The following THADA variants were observed in gnomAD, a reference collection of about 807,000 sequenced individuals.
THADA encodes the protein tRNA (32-2'-O)-methyltransferase regulator THADA.
In THADA, 213 loss-of-function variants were observed where a neutral mutation model predicts 219.8. The ratio of observed to expected loss-of-function variants is 0.97; its 90% confidence interval spans 0.87 to 1.09. The LOEUF (loss-of-function observed/expected upper bound fraction) is 1.09. Among genes scored for constraint, THADA ranks in the 50% least tolerant of loss-of-function variants. THADA has a pLI of 0.00. For missense variants in THADA, 2,956 were observed against 2,311.3 expected (o/e 1.28, Z -5.72); for synonymous variants, 1,018 against 828.9 (o/e 1.23, Z -3.92).
chr2:43,345,082 T>C (rs1379011166), intron 29 of THADA, among the ~76,000 whole-genome samples: 1 of 152,264 alleles, frequency 6.6e-6, no homozygotes. Flanking sequence ...AAAGTAAGCA[T>C]AGATAAACAC....
At chr2:43,575,120 C>T (rs1422100207) in intron 10 of THADA, 93 bp from the exon 11 acceptor site, 3 of 1,003,912 alleles carry the variant, frequency 3.0e-6, no homozygotes, top group Non-Finnish European at 4.2e-6. Context: ...ATATTAAATA[C>T]ACAGAATGAC....
intron 30 of THADA, among the ~76,000 whole-genome samples, chr2:43,340,256 A>G (rs900561649): frequency 2.6e-5 from 4 of 152,234 alleles, no homozygotes. Flanking sequence ...AGCCTGTAAG[A>G]GCAGAAGCCC....
intron 29 of THADA, among the ~76,000 whole-genome samples, chr2:43,377,641 G>A (rs1225115041): frequency 6.6e-6 from 1 of 152,154 alleles, no homozygotes. Flanking sequence ...GCGGCCAGAG[G>A]TGAAAAATTT....
chr2:43,500,212 A>C (rs1688771902), intron 24 of THADA, among the ~76,000 whole-genome samples: 1 of 152,202 alleles, frequency 6.6e-6, no homozygotes, highest in Non-Finnish European at 1.5e-5. Flanking sequence ...AAAAGATAAA[A>C]CTAAAACTAG....
At chr2:43,469,952 T>G (rs1208181117) in intron 26 of THADA, among the ~76,000 whole-genome samples, 3 of 152,122 alleles carry the variant, frequency 2.0e-5, no homozygotes, top group African/African-American at 7.2e-5. Context: ...GGCTCATGCC[T>G]GCAATCTTAG....
At chr2:43,453,096 A>G (rs980830537) in intron 26 of THADA, among the ~76,000 whole-genome samples, 2 of 152,174 alleles carry the variant, frequency 1.3e-5, no homozygotes, top group South Asian at 4.1e-4. Flanking sequence ...CAAACAAAAA[A>G]CCCAAGTAGT....
chr2:43,457,133 T>TACACACACACAC (rs35803641), intron 26 of THADA, among the ~76,000 whole-genome samples: 1 of 126,152 alleles, frequency 7.9e-6, no homozygotes, highest in Non-Finnish European at 1.7e-5. Flanking sequence ...TTAGGATATC[T>TACACACACACAC]ACACACACAC....
In THADA at chr2:43,336,013, C is replaced by T. The variant is rs564380695; in HGVS notation, c.4343+8109G>A. ...TCAGGAGGCTGAGGCAGGAGAATGG[C>T]GTGAACCCCAGAGGTGGAGCTTGCA... On this transcript the variant is annotated intron_variant, in intron 30 of 37. Coordinates refer to ENST00000405975, the MANE Select transcript of THADA (RefSeq NM_022065.5). Among the ~76,000 whole-genome samples the T allele has an allele frequency of 3.3e-5, 5 of 151,708 alleles. No homozygotes were observed. In the South Asian group the frequency reaches 8.4e-4, roughly 25 times the overall value.
At chr2:43,234,959 C>T (rs1049223573) in intron 36 of THADA, among the ~76,000 whole-genome samples, 18 of 150,856 alleles carry the variant, frequency 1.2e-4, no homozygotes, top group African/African-American at 2.9e-4. Context: ...AGGTATGAGC[C>T]GCTGCACCCA....
chr2:43,500,744 T>C (rs1470984626), intron 24 of THADA, among the ~76,000 whole-genome samples: 1 of 152,134 alleles, frequency 6.6e-6, no homozygotes, highest in Non-Finnish European at 1.5e-5. Flanking sequence ...AAAAACTGTT[T>C]TGAAAAAACT....
intron 30 of THADA, among the ~76,000 whole-genome samples, chr2:43,341,314 T>A (rs1463710617): frequency 6.6e-6 from 1 of 152,166 alleles, no homozygotes; most frequent in Non-Finnish European, 1.5e-5. Flanking sequence ...TCCTTTGTCT[T>A]CTAGAGCTGG....
intron 25 of THADA, among the ~76,000 whole-genome samples, chr2:43,491,450 A>G (rs1687625473): frequency 6.6e-6 from 1 of 152,214 alleles, no homozygotes; most frequent in South Asian, 2.1e-4. Context: ...TGGAGAAATG[A>G]TAATAGCTGT....
At chr2:43,496,124 T>C (rs1042201379) in intron 25 of THADA, among the ~76,000 whole-genome samples, 1 of 152,182 alleles carries the variant, frequency 6.6e-6, no homozygotes, top group Non-Finnish European at 1.5e-5. Context: ...AAAGCCTGAC[T>C]TTCTAGTAAA....
At chr2:43,424,035 C>G (rs1369294398) in intron 28 of THADA, among the ~76,000 whole-genome samples, 1 of 152,080 alleles carries the variant, frequency 6.6e-6, no homozygotes, top group Non-Finnish European at 1.5e-5. Flanking sequence ...TATCTGGATG[C>G]AGCACAACAT....
chr2:43,291,403 G>A (rs1209153805), intron 34 of THADA, among the ~76,000 whole-genome samples: 2 of 125,862 alleles, frequency 1.6e-5, no homozygotes, highest in African/African-American at 6.2e-5. Flanking sequence ...GCAGTGAGCC[G>A]AGATCGTGCC....
intron 28 of THADA, among the ~76,000 whole-genome samples, chr2:43,417,756 C>T (rs1432140880): frequency 6.6e-6 from 1 of 152,198 alleles, no homozygotes; most frequent in African/African-American, 2.4e-5. Context: ...CAGTCGCTAA[C>T]AGCATGGGTT....
chr2:43,538,030 G>A (rs896191048), intron 21 of THADA, among the ~76,000 whole-genome samples: 13 of 151,932 alleles, frequency 8.6e-5, no homozygotes, highest in Non-Finnish European at 1.0e-4. Context: ...TTTCTGTGGC[G>A]ATAATTACTG....
Position 43,572,983 on chromosome 2 carries a change from T to C in THADA, c.1739A>G (p.Gln580Arg). 2 of 1,613,524 alleles carry C rather than the reference T, an allele frequency of 1.2e-6. No homozygotes were observed. Among genetic ancestry groups the C allele is most frequent in the Non-Finnish European group, 1.7e-6 (2 of 1,179,664 alleles). The change falls in exon 12 of 38, where the codon CAA (glutamine) becomes CGA (arginine). Residue 580 changes from glutamine to arginine, a missense_variant. Coordinates refer to ENST00000405975, the MANE Select transcript of THADA (RefSeq NM_022065.5). Reference protein sequence around the residue: ...TSIDAKTGQEQSFPSLGSCNS... With the variant: ...TSIDAKTGQERSFPSLGSCNS... Reference sequence around the variant, plus strand: ...ACAAGACCCTAAGGATGGGAAAGATTGCTCTTGTCCTGAAAGCACAATAAC... The same window carrying C: ...ACAAGACCCTAAGGATGGGAAAGATCGCTCTTGTCCTGAAAGCACAATAAC...
At chr2:43,293,550 T>C (rs1675000924) in intron 31 of THADA, among the ~76,000 whole-genome samples, 1 of 152,160 alleles carries the variant, frequency 6.6e-6, no homozygotes, top group Non-Finnish European at 1.5e-5. Flanking sequence ...GGACATCTAG[T>C]ATAAACTTCC....
Sources: allele counts gnomAD v4.1 joint callset (sites outside exome capture counted in the v4.1 genomes callset), GRCh38; gene constraint gnomAD v4.1.1; transcripts MANE v1.5; gene names NCBI Gene and HGNC (gene_info 2026-07-23, HGNC 2026-07-21).